The following TRIM28 variants were observed in gnomAD, a reference collection of about 807,000 sequenced individuals.
TRIM28 encodes the protein transcription intermediary factor 1-beta.
TRIM28 carries 8 observed loss-of-function variants against 87.4 expected under a neutral mutation model. The ratio of observed to expected loss-of-function variants is 0.09; its 90% CI spans 0.05 to 0.17. The LOEUF (loss-of-function observed/expected upper bound fraction) is 0.17, where lower values mean the gene tolerates loss of function less well. Among genes scored for constraint, TRIM28 ranks in the 10% least tolerant of loss-of-function variants. TRIM28 has a pLI of 1.00. For missense variants in TRIM28, 968 were observed against 1,131.8 expected, an observed-to-expected ratio of 0.86 and a Z score of 2.08; for synonymous variants, 601 against 454.3, an observed-to-expected ratio of 1.32 and a Z score of -4.11.
Position 58,549,771 on chromosome 19 carries a change from C to T in TRIM28, c.2017C>T (p.Pro673Ser). The T allele has an allele frequency of 6.2e-7, 1 of 1,612,090 alleles. No individual in the cohort carries two copies. The highest frequency in any genetic ancestry group is 8.5e-7 in the Non-Finnish European group (1 of 1,178,512). ...EWSCSLCHVL[P>S]DLKEEDGSLS... The stretch of plus-strand genomic sequence containing the variant: ...GAGCTGCTCACTCTGCCATGTGCTC[C>T]CTGACCTGAAGGAGGAGGATGGCAG... The change falls in exon 14 of 17, where the codon CCT becomes TCT. Residue 673 changes from proline (P) to serine (S), a missense_variant. Physicochemically the swap from Pro to Ser is moderately conservative, Grantham distance 74. Around this residue, in one of 11 missense-constraint regions of TRIM28, gnomAD observed 192 missense variants for 225.6 expected, o/e 0.85. Coordinates refer to ENST00000253024, the MANE Select transcript of TRIM28 (RefSeq NM_005762.3). This position sits in a 1 kb window ranked among gnomAD's most constrained non-coding sequence, Gnocchi z 4.4.
Position 58,549,994 on chromosome 19 carries a change from C to A in TRIM28, c.2152C>A (p.Arg718Ser). The change falls in exon 15 of 17, where the codon CGC becomes AGC. Residue 718 changes from arginine (R) to serine (S), a missense_variant. Physicochemically the swap from Arg to Ser is moderately radical, Grantham distance 110. Coordinates refer to ENST00000253024, the MANE Select transcript of TRIM28 (RefSeq NM_005762.3). The surrounding 1 kb of genome is among the most constrained non-coding windows in gnomAD (Gnocchi z 4.4). ...LLALFCHEPC[R>S]PLHQLATDST... ...GGCCCTATTCTGTCACGAACCCTGCCGCCCCCTGCATCAGCTGGCTACCGA... is the reference window on the plus strand; with the variant it reads ...GGCCCTATTCTGTCACGAACCCTGCAGCCCCCTGCATCAGCTGGCTACCGA... 1 of 1,614,106 alleles carries A rather than the reference C, an allele frequency of 6.2e-7. No individual in the cohort carries two copies. Among genetic ancestry groups the A allele is most frequent in the Non-Finnish European group, 8.5e-7 (1 of 1,179,996 alleles).
chr19:58,545,684 T>A, intron 2 of TRIM28, 80 bp from the exon 3 acceptor site: 3 of 1,564,760 alleles, frequency 1.9e-6, no homozygotes, highest in Non-Finnish European at 2.6e-6. Flanking sequence ...CAATCTTAAA[T>A]CTCCGGTTGT....
rs1323199948 is a variant in TRIM28 at position 58,545,190 on chromosome 19, G to C, written c.340+93G>C. ...GATGAGGATGCCACCTGGGCGAGAGGATGGGGGCCCGGACAGGGCACGGGA... is the reference window on the plus strand; with the variant it reads ...GATGAGGATGCCACCTGGGCGAGAGCATGGGGGCCCGGACAGGGCACGGGA... On this transcript the variant is annotated intron_variant, in intron 1 of 16. Coordinates refer to ENST00000253024, the MANE Select transcript of TRIM28 (RefSeq NM_005762.3). 64 of 1,220,860 alleles carry C rather than the reference G, an allele frequency of 5.2e-5. 1 individual carries two copies. In the East Asian group the frequency reaches 1.7e-3, roughly 32 times the overall value. 75.6% of individuals were successfully genotyped at this position (1,220,860 alleles called of 1,614,324 possible).
rs947219457 is a variant in TRIM28, at chr19:58,550,671, G to A, written c.*118G>A. 2.9e-6 allele frequency: 3 copies of A among 1,045,296 alleles called. No homozygotes were observed. The highest frequency in any genetic ancestry group is 3.2e-4 in the Middle Eastern group (1 of 3,168). 64.8% of individuals were successfully genotyped at this position (1,045,296 alleles called of 1,614,324 possible). ...GTGGCCCCATCCCCCAGTTCCTCAC[G>A]ATATGGTTTTTACTTCTGTGGATTT... On this transcript the variant is annotated 3_prime_UTR_variant, in exon 17 of 17. Coordinates refer to ENST00000253024, the MANE Select transcript of TRIM28 (RefSeq NM_005762.3).
intron 1 of TRIM28, 36 bp downstream of exon 1, chr19:58,545,133 A>G (rs766977030): frequency 1.2e-4 from 167 of 1,380,718 alleles, no homozygotes; most frequent in Admixed American, 6.8e-5. Flanking sequence ...CCCTCCCCCT[A>G]CTCTCTGCCT....
In TRIM28 at chr19:58,548,921, C is replaced by T. The variant is rs1208344718; in HGVS notation, c.1409+11C>T. 6.2e-7 allele frequency: 1 copy of T among 1,614,080 alleles called. No homozygotes were observed. Among genetic ancestry groups the T allele is most frequent in the Non-Finnish European group, 8.5e-7 (1 of 1,179,990 alleles). On this transcript the variant is annotated intron_variant, in intron 11 of 16. Transcript: ENST00000253024. ...GTCAGGTGTGAAACGGTAAGTATGG[C>T]ACCTCCCCTGGGGGTGAGGTGGATG... is the stretch of plus-strand genomic sequence containing the variant.
chr19:58,549,409 C>G lies in TRIM28; in HGVS notation c.1741C>G (p.Leu581Val). Residue 581 changes from leucine (L) to valine (V), a missense_variant, in exon 13 of 17, where the codon CTT becomes GTT. Transcript: ENST00000253024. This position sits in a 1 kb window ranked among gnomAD's most constrained non-coding sequence, Gnocchi z 4.4. ...GPETKPVLMALAEGPGAEGPR... is the reference protein window; with the variant it reads ...GPETKPVLMAVAEGPGAEGPR... ...TGAGACCAAACCTGTGCTTATGGCT[C>G]TTGCGGAGGGTCCTGGTGCTGAGGG... The G allele has an allele frequency of 1.9e-6, 3 of 1,597,788 alleles. No homozygotes were observed. Among genetic ancestry groups the G allele is most frequent in the Non-Finnish European group, 2.6e-6 (3 of 1,168,626 alleles).
intron 1 of TRIM28, 123 bp from the exon 2 acceptor site, chr19:58,545,302 C>G: frequency 1.1e-6 from 1 of 943,392 alleles, no homozygotes; most frequent in Non-Finnish European, 1.6e-6. Context: ...AAAGAAGGCT[C>G]GGGGAGGGGA....
chr19:58,548,692 A>G (rs754127356), intron 9 of TRIM28, 48 bp from the exon 10 acceptor site: 1 of 1,611,608 alleles, frequency 6.2e-7, no homozygotes, highest in East Asian at 2.2e-5. Context: ...AATGGGGTCC[A>G]GTAGGGTTCC....
At position 58,549,845 on chromosome 19, in the gene TRIM28, A is replaced by C; in HGVS notation, c.2091A>C (p.Ser697=). The C allele has an allele frequency of 6.2e-7, 1 of 1,612,386 alleles. No individual in the cohort carries two copies. Among genetic ancestry groups the C allele is most frequent in the Non-Finnish European group, 8.5e-7 (1 of 1,178,566 alleles). The change falls in exon 14 of 17, where the codon TCA becomes TCC. Residue 697 remains serine (S), a synonymous_variant. Coordinates refer to ENST00000253024, the MANE Select transcript of TRIM28 (RefSeq NM_005762.3). This position sits in a 1 kb window ranked among gnomAD's most constrained non-coding sequence, Gnocchi z 4.4. ...ADSTGVVAKL[S]PANQRKCERV... ...GCACTGGCGTGGTGGCCAAGCTCTCACCAGCCAACCAGCGGGTGAGGGCTG... is the reference window on the plus strand; with the variant it reads ...GCACTGGCGTGGTGGCCAAGCTCTCCCCAGCCAACCAGCGGGTGAGGGCTG...
In TRIM28 at chr19:58,548,300, T is replaced by G; in HGVS notation, c.1108T>G (p.Phe370Val). ...ALLLSKKLIY[F>V]QLHRALKMIV... ...CCCTTTCACTCCCAACCAGATCTAC[T>G]TCCAGCTGCACCGGGCCCTCAAGAT... Residue 370 changes from phenylalanine (F) to valine (V), a missense_variant, in exon 8 of 17, where the codon TTC (phenylalanine) becomes GTC (valine). This residue lies in a region of TRIM28 where 84 missense variants were observed against 139.9 expected (regional missense o/e 0.60). Coordinates refer to ENST00000253024, the MANE Select transcript of TRIM28 (RefSeq NM_005762.3). 6.2e-7 allele frequency: 1 copy of G among 1,614,134 alleles called. No individual in the cohort carries two copies. Among genetic ancestry groups the G allele is most frequent in the Non-Finnish European group, 8.5e-7 (1 of 1,180,006 alleles).
chr19:58,546,630 G>T (rs958331686), intron 3 of TRIM28, among the ~76,000 whole-genome samples: 12 of 152,198 alleles, frequency 7.9e-5, no homozygotes, highest in African/African-American at 2.4e-4. Flanking sequence ...CCAGGCAAAG[G>T]TCAGGGTGCA....
rs2053752914 is a variant in TRIM28 at position 58,545,444 on chromosome 19, C to T, written c.360C>T (p.Cys120=). Residue 120 remains cysteine (C), a synonymous_variant, in exon 2 of 17, where the codon TGC becomes TGT. Transcript: ENST00000253024. ...GDGTVVDCPV[C]KQQCFSKDIV... ...TCGAAGTGGTGGACTGTCCCGTGTG[C>T]AAGCAACAGTGCTTCTCCAAAGACA... is the stretch of plus-strand genomic sequence containing the variant. The T allele has an allele frequency of 6.2e-7, 1 of 1,609,824 alleles. No homozygotes were observed. The highest frequency in any genetic ancestry group is 8.5e-7 in the Non-Finnish European group (1 of 1,178,032).
chr19:58,548,893 T>C lies in TRIM28; in HGVS notation c.1392T>C (p.His464=), dbSNP rs150678798. The C allele has an allele frequency of 1.0e-3, 1,626 of 1,614,078 alleles. No individual in the cohort carries two copies. The highest frequency in any genetic ancestry group is 1.3e-3 in the Non-Finnish European group (1,502 of 1,179,988). Residue 464 remains histidine (H), a synonymous_variant, in exon 11 of 17, where the codon CAT becomes CAC. Transcript: ENST00000253024. ...GDDPYSSAEP[H]VSGVKRSRSG... ...ATCCCTACTCAAGTGCAGAGCCCCA[T>C]GTGTCAGGTGTGAAACGGTAAGTAT... is the stretch of plus-strand genomic sequence containing the variant.
rs774718418 is a variant in TRIM28 at position 58,544,941 on chromosome 19, C to T, written c.184C>T (p.Leu62=). The change falls in exon 1 of 17, where the codon CTG becomes TTG. Residue 62 remains leucine, a synonymous_variant. Transcript: ENST00000253024. ...GGGCGGCGCCGAGGCGCTGGAGCTGCTGGAGCACTGCGGCGTGTGCAGAGA... is the reference window on the plus strand; with the variant it reads ...GGGCGGCGCCGAGGCGCTGGAGCTGTTGGAGCACTGCGGCGTGTGCAGAGA... The part of the protein sequence containing the change: ...AGGGAEALEL[L]EHCGVCRERL... 60 of 1,472,218 alleles carry T rather than the reference C, an allele frequency of 4.1e-5. No individual in the cohort carries two copies. The African/African-American group carries it at 6.7e-4, about 16-fold the overall frequency. The allele number at this position is 1,472,218 out of a possible 1,614,324, so 91.2% of individuals were successfully genotyped here.
In TRIM28 at chr19:58,544,787, A is replaced by G; in HGVS notation, c.30A>G (p.Ala10=). The change falls in exon 1 of 17, where the codon GCA becomes GCG. Residue 10 remains alanine, a synonymous_variant. Transcript: ENST00000253024. The part of the protein sequence containing the change: MAASAAAAS[A]AAASAASGSP... ...CGGCCTCCGCGGCGGCAGCCTCGGC[A>G]GCAGCGGCCTCGGCCGCCTCTGGCA... 8.5e-7 allele frequency: 1 copy of G among 1,182,166 alleles called. No individual in the cohort carries two copies. 73.2% of individuals were successfully genotyped at this position (1,182,166 alleles called of 1,614,324 possible).
Position 58,550,483 on chromosome 19 carries a change from C to T in TRIM28, c.2438C>T (p.Pro813Leu), listed in dbSNP as rs750656717. The change falls in exon 17 of 17, where the codon CCG becomes CTG. Residue 813 changes from proline to leucine, a missense_variant. Physicochemically the swap from Pro to Leu is moderately conservative, Grantham distance 98. Transcript: ENST00000253024. ...TKFSAVLVEP[P>L]PMSLPGAGLS... Reference sequence around the variant, plus strand: ...TTCTCTGCTGTGCTGGTGGAGCCCCCGCCGATGAGCCTGCCTGGTGCTGGC... The same window carrying T: ...TTCTCTGCTGTGCTGGTGGAGCCCCTGCCGATGAGCCTGCCTGGTGCTGGC... 28 of 1,612,926 alleles carry T rather than the reference C, an allele frequency of 1.7e-5. No homozygotes were observed. Among genetic ancestry groups the T allele is most frequent in the African/African-American group, 2.7e-5 (2 of 74,904 alleles).
chr19:58,548,030 G>A lies in TRIM28; in HGVS notation c.955-4G>A, dbSNP rs775887612. On this transcript the variant is annotated splice_region_variant and splice_polypyrimidine_tract_variant and intron_variant, in intron 6 of 16. Coordinates refer to ENST00000253024, the MANE Select transcript of TRIM28 (RefSeq NM_005762.3). ...TGCTTACCTCATACACCTTCTATCT[G>A]CAGAAGGTGACTGAGGGGCAGCAGG... 1.9e-6 allele frequency: 3 copies of A among 1,614,138 alleles called. No individual in the cohort carries two copies. The highest frequency in any genetic ancestry group is 4.5e-5 in the East Asian group (2 of 44,882).
chr19:58,550,573 A>G lies in TRIM28; in HGVS notation c.*20A>G. On this transcript the variant is annotated 3_prime_UTR_variant, in exon 17 of 17. Transcript: ENST00000253024. ...CCCTGAGGCTGGAGCCCCCATGGCC[A>G]GCCCAGCCTGGCTCTGTTCTCTGTC... 1 of 1,597,514 alleles carries G rather than the reference A, an allele frequency of 6.3e-7. No homozygotes were observed. The highest frequency in any genetic ancestry group is 8.5e-7 in the Non-Finnish European group (1 of 1,176,364).
Sources: allele counts gnomAD v4.1 joint callset (sites outside exome capture counted in the v4.1 genomes callset), GRCh38; gene constraint gnomAD v4.1.1; regional missense constraint gnomAD v4.1.1; non-coding constraint Gnocchi (gnomAD v3.1); transcripts MANE v1.5; gene names NCBI Gene and HGNC (gene_info 2026-07-23, HGNC 2026-07-21).